The following SNX6 variants were observed in gnomAD, a reference collection of about 807,000 sequenced individuals.
SNX6 encodes sorting nexin 6.
SNX6 carries 34 observed loss-of-function variants against 63.0 expected under a neutral mutation model. The ratio of observed to expected loss-of-function variants is 0.54; its 90% CI spans 0.41 to 0.72. The LOEUF (loss-of-function observed/expected upper bound fraction) is 0.72, where lower values mean the gene tolerates loss of function less well. SNX6 is among the 30% of genes least tolerant of loss of function. The pLI is 0.00. For synonymous variants in SNX6, 170 were observed against 164.2 expected, an observed-to-expected ratio of 1.04 and a Z score of -0.27; for missense variants, 398 against 471.4, an observed-to-expected ratio of 0.84 and a Z score of 1.44.
At chr14:34,601,624 C>G (rs1722692618) in intron 6 of SNX6, among the ~76,000 whole-genome samples, 2 of 149,332 alleles carry the variant, frequency 1.3e-5, no homozygotes, top group African/African-American at 4.9e-5. Flanking sequence ...ATGGGAATTT[C>G]AGTCTTGTCC....
intron 2 of SNX6, among the ~76,000 whole-genome samples, chr14:34,623,379 A>C (rs1026027074): frequency 6.6e-6 from 1 of 152,134 alleles, no homozygotes; most frequent in African/African-American, 2.4e-5. Context: ...TGAGAAATGA[A>C]GCCAGTCAGA....
In SNX6 at chr14:34,610,824, T is replaced by A. The variant is rs529289074; in HGVS notation, c.55-1082A>T. On this transcript the variant is annotated intron_variant, in intron 2 of 13. Transcript: ENST00000362031. ...CTTAGCCAGCTGCAAAGACATGAAA[T>A]AGACTGTTTCAAAGACAGTACTCTA... Among the ~76,000 whole-genome samples, 6 of 152,230 alleles carry A rather than the reference T, an allele frequency of 3.9e-5. No homozygotes were observed. In the South Asian group the frequency reaches 1.2e-3, roughly 32 times the overall value.
At chr14:34,615,232 T>A (rs532128862) in intron 2 of SNX6, among the ~76,000 whole-genome samples, 2 of 152,278 alleles carry the variant, frequency 1.3e-5, no homozygotes, top group East Asian at 3.9e-4. Flanking sequence ...TTCTACTTAT[T>A]TTGGCATAAT....
chr14:34,606,549 T>C (rs1208825665), intron 4 of SNX6, among the ~76,000 whole-genome samples: 1 of 151,442 alleles, frequency 6.6e-6, no homozygotes, highest in African/African-American at 2.4e-5. Context: ...GCCTCCTGGG[T>C]TCAAGTGATT....
intron 11 of SNX6, among the ~76,000 whole-genome samples, chr14:34,574,094 T>C (rs1881576631): frequency 6.6e-6 from 1 of 151,706 alleles, no homozygotes; most frequent in African/African-American, 2.4e-5. Context: ...TCCCAGCACT[T>C]TGGGAGGCCG....
intron 13 of SNX6, among the ~76,000 whole-genome samples, chr14:34,566,078 G>A (rs912767646): frequency 3.3e-5 from 5 of 152,012 alleles, no homozygotes; most frequent in African/African-American, 1.2e-4. Flanking sequence ...TTAAAGGCAT[G>A]AGCCACTGTG....
intron 7 of SNX6, among the ~76,000 whole-genome samples, chr14:34,594,264 CA>C (rs1882513275): frequency 6.6e-6 from 1 of 151,726 alleles, no homozygotes; most frequent in Non-Finnish European, 1.5e-5. Flanking sequence ...GGAACCTGAC[CA>C]AACTATCTGA....
chr14:34,567,376 A>C lies in SNX6; in HGVS notation c.1167+310T>G, dbSNP rs139231301. ...GTGGCACATACCTGTAATCCCAGCTACTAAGGAGGCTGAGGCGTGAGAATC... is the reference window on the plus strand; with the variant it reads ...GTGGCACATACCTGTAATCCCAGCTCCTAAGGAGGCTGAGGCGTGAGAATC... On this transcript the variant is annotated intron_variant, in intron 13 of 13. Transcript: ENST00000362031. Among the ~76,000 whole-genome samples the C allele has an allele frequency of 1.9e-4, 29 of 152,226 alleles. No homozygotes were observed. In the East Asian group the frequency reaches 5.0e-3, roughly 26 times the overall value.
intron 2 of SNX6, among the ~76,000 whole-genome samples, chr14:34,612,001 G>C (rs920167163): frequency 2.0e-5 from 3 of 152,060 alleles, no homozygotes; most frequent in East Asian, 3.9e-4. Context: ...GGATGGTCTC[G>C]ATCTCCTGAC....
At chr14:34,614,655 C>T (rs556324810) in intron 2 of SNX6, among the ~76,000 whole-genome samples, 243 of 152,284 alleles carry the variant, frequency 1.6e-3, no homozygotes, top group Non-Finnish European at 2.7e-3. Flanking sequence ...AGGTGGCTCA[C>T]GCGTGGAATC....
At chr14:34,614,094 G>A (rs138340035) in intron 2 of SNX6, among the ~76,000 whole-genome samples, 16 of 151,850 alleles carry the variant, frequency 1.1e-4, no homozygotes, top group Admixed American at 3.3e-4. Flanking sequence ...AAGACAGAGC[G>A]AGACTCCATC....
chr14:34,603,285 C>CAAA, intron 6 of SNX6, 63 bp downstream of exon 6: 9 of 1,162,850 alleles, frequency 7.7e-6, no homozygotes, highest in East Asian at 3.0e-5. Flanking sequence ...GATTCCGTCT[C>CAAA]AAAAAAAAAA....
chr14:34,590,600 G>T (rs951709970), intron 8 of SNX6, among the ~76,000 whole-genome samples: 3 of 151,982 alleles, frequency 2.0e-5, no homozygotes, highest in Non-Finnish European at 4.4e-5. Flanking sequence ...AAAAAAGACT[G>T]ACTATCCTTG....
At position 34,583,102 on chromosome 14, in the gene SNX6, C is replaced by T. The variant is rs112861357; in HGVS notation, c.795-1502G>A. On this transcript the variant is annotated intron_variant, in intron 9 of 13. Transcript: ENST00000362031. ...TGGGAGGATCATGAGGTCAGGAGATCGAGACCATCCTGGGTAACATGGTGA... is the reference window on the plus strand; with the variant it reads ...TGGGAGGATCATGAGGTCAGGAGATTGAGACCATCCTGGGTAACATGGTGA... Among the ~76,000 whole-genome samples, 948 of 152,144 alleles carry T rather than the reference C, an allele frequency of 6.2e-3. 8 individuals carry two copies. Among genetic ancestry groups the T allele is most frequent in the African/African-American group, 0.021 (878 of 41,528 alleles).
At chr14:34,583,924 T>C (rs1236777226) in intron 9 of SNX6, among the ~76,000 whole-genome samples, 5 of 151,404 alleles carry the variant, frequency 3.3e-5, no homozygotes, top group African/African-American at 1.2e-4. Flanking sequence ...CTCGGCTCAC[T>C]GCAACCTCTG....
intron 11 of SNX6, among the ~76,000 whole-genome samples, chr14:34,570,426 AT>A (rs1425530849): frequency 3.0e-5 from 4 of 133,690 alleles, no homozygotes; most frequent in Admixed American, 7.8e-5. Context: ...GATATCTCAC[AT>A]TTTTTTTTTC....
At position 34,563,743 on chromosome 14, in the gene SNX6, C is replaced by CT. The variant is rs1178311002; in HGVS notation, c.1168-569dup. 3.0e-3 allele frequency among the ~76,000 whole-genome samples: 402 copies of CT among 135,310 alleles called. 3 individuals are homozygous for CT. Among genetic ancestry groups the CT allele is most frequent in the African/African-American group, 9.4e-3 (348 of 37,192 alleles). The allele number at this position is 135,310 out of a possible 152,430, so 88.8% of individuals were successfully genotyped here. ...CCAGATTCTTCAGTAAATTTTTTTT[C>CT]TTTTTTTTTTTCTGAGATGGAGTAT... On this transcript the variant is annotated intron_variant, in intron 13 of 13. Transcript: ENST00000362031.
In SNX6 at chr14:34,594,152, A is replaced by G; in HGVS notation, c.613-1002T>C. ...AGGAAAAAGAAAACAGTTCTGGTGG[A>G]CAGAAGTGAAAATCTATTTTTCTTG... On this transcript the variant is annotated intron_variant, in intron 7 of 13. Transcript: ENST00000362031. Among the ~76,000 whole-genome samples, 2 of 152,172 alleles carry G rather than the reference A, an allele frequency of 1.3e-5. 1 individual carries two copies. The highest frequency in any genetic ancestry group is 2.9e-5 in the Non-Finnish European group (2 of 68,028).
intron 6 of SNX6, among the ~76,000 whole-genome samples, chr14:34,599,752 C>A (rs1447002945): frequency 3.1e-5 from 4 of 130,860 alleles, no homozygotes; most frequent in Non-Finnish European, 6.3e-5. Context: ...CCAGCCCGGG[C>A]AACAGAGCAA....
Sources: allele counts gnomAD v4.1 joint callset (sites outside exome capture counted in the v4.1 genomes callset), GRCh38; gene constraint gnomAD v4.1.1; transcripts MANE v1.5; gene names NCBI Gene and HGNC (gene_info 2026-07-23, HGNC 2026-07-21).